Variants in MEGF9 observed in about 807,000 individuals in gnomAD.
MEGF9 encodes multiple epidermal growth factor-like domains protein 9.
A neutral mutation model predicts 46.8 loss-of-function variants in MEGF9; 6 were observed. That is an observed-to-expected ratio of 0.13 (90% CI 0.07 to 0.25). The LOEUF is 0.25. MEGF9 is among the 10% of genes least tolerant of loss of function. MEGF9 has a pLI of 1.00. For missense variants in MEGF9, 683 were observed against 792.4 expected, an observed-to-expected ratio of 0.86 and a Z score of 1.66; for synonymous variants, 302 against 330.7, an observed-to-expected ratio of 0.91 and a Z score of 0.94.
At chr9:120,712,257 CA>C (rs993078090) in intron 1 of MEGF9, among the ~76,000 whole-genome samples, 1 of 151,914 alleles carries the variant, frequency 6.6e-6, no homozygotes, top group African/African-American at 2.4e-5. Context: ...GACCCTGTCT[CA>C]AAAAACAAAA....
At chr9:120,692,792 C>G (rs77269373) in intron 1 of MEGF9, among the ~76,000 whole-genome samples, 1,622 of 152,154 alleles carry the variant, frequency 0.011, 31 homozygotes, top group African/African-American at 0.034. Flanking sequence ...CTAGAGTGTC[C>G]TTCCCCTCTT....
At chr9:120,610,100 T>G (rs1415163422) in intron 4 of MEGF9, among the ~76,000 whole-genome samples, 2 of 152,066 alleles carry the variant, frequency 1.3e-5, no homozygotes, top group Admixed American at 1.3e-4. Context: ...ATATTTCAAA[T>G]AAAGGAATTA....
chr9:120,607,783 C>G lies in MEGF9; in HGVS notation c.1315G>C (p.Glu439Gln). 6.2e-7 allele frequency: 1 copy of G among 1,613,980 alleles called. No homozygotes were observed. The highest frequency in any genetic ancestry group is 8.5e-7 in the Non-Finnish European group (1 of 1,179,862). Reference protein sequence around the residue: ...TTGFWCENCLEGYVHDLEGNC... With the variant: ...TTGFWCENCLQGYVHDLEGNC... ...CCCTCGAGGTCGTGAACATAACCTT[C>G]TAGGCAGTTCTCACACCAAAACCCA... The change falls in exon 5 of 6, where the codon GAA becomes CAA. Residue 439 changes from glutamate (E) to glutamine (Q), a missense_variant. Glu to Gln is a conservative substitution (Grantham distance 29). Around this residue, in one of 2 missense-constraint regions of MEGF9, gnomAD observed 313 missense variants for 421.1 expected, o/e 0.74. Transcript: ENST00000373930.
At chr9:120,682,819 G>A (rs981450705) in intron 1 of MEGF9, among the ~76,000 whole-genome samples, 2 of 152,154 alleles carry the variant, frequency 1.3e-5, no homozygotes, top group African/African-American at 2.4e-5. Context: ...CTGGGCCCAA[G>A]TGATGCTCCC....
At position 120,605,907 on chromosome 9, in the gene MEGF9, C is replaced by T. The variant is rs1029950468; in HGVS notation, c.1358-266G>A. On this transcript the variant is annotated intron_variant, in intron 5 of 5. Coordinates refer to ENST00000373930, the MANE Select transcript of MEGF9 (RefSeq NM_001080497.3). The surrounding 1 kb of genome is among the most constrained non-coding windows in gnomAD (Gnocchi z 4.0). ...AAAATCTTTGGGCCGGGCGTGGTGGCTCACACCTGTAATCCCAGCACTTTG... is the reference window on the plus strand; with the variant it reads ...AAAATCTTTGGGCCGGGCGTGGTGGTTCACACCTGTAATCCCAGCACTTTG... 6.6e-6 allele frequency among the ~76,000 whole-genome samples: 1 copy of T among 152,130 alleles called. No individual in the cohort carries two copies. Among genetic ancestry groups the T allele is most frequent in the African/African-American group, 2.4e-5 (1 of 41,412 alleles).
At chr9:120,654,863 G>A (rs913344140) in intron 2 of MEGF9, among the ~76,000 whole-genome samples, 8 of 151,990 alleles carry the variant, frequency 5.3e-5, no homozygotes, top group Admixed American at 3.9e-4. Flanking sequence ...GTATATTTAC[G>A]TCGTAGTTTT....
chr9:120,667,961 G>A (rs1281301266), intron 1 of MEGF9, among the ~76,000 whole-genome samples: 2 of 152,192 alleles, frequency 1.3e-5, no homozygotes, highest in African/African-American at 2.4e-5. Context: ...GGAGGCAGAG[G>A]TTGCAGTGAG....
chr9:120,713,566 C>CG (rs1162972201), intron 1 of MEGF9, among the ~76,000 whole-genome samples, 192 bp downstream of exon 1: 1 of 152,152 alleles, frequency 6.6e-6, no homozygotes, highest in East Asian at 1.9e-4. Context: ...GCACAGCCCA[C>CG]GGGGGACAAA....
chr9:120,679,119 T>C (rs11794011), intron 1 of MEGF9, among the ~76,000 whole-genome samples: 78 of 152,318 alleles, frequency 5.1e-4, no homozygotes, highest in Non-Finnish European at 9.7e-4. Flanking sequence ...GCCATCTCAT[T>C]ACTGGGTATA....
intron 2 of MEGF9, among the ~76,000 whole-genome samples, chr9:120,648,431 C>G (rs1364578208): frequency 1.3e-5 from 2 of 151,972 alleles, no homozygotes; most frequent in Non-Finnish European, 2.9e-5. Context: ...ACTTTGTCTT[C>G]AAGAAATAGT....
intron 1 of MEGF9, among the ~76,000 whole-genome samples, chr9:120,712,127 C>T (rs1328075380): frequency 2.0e-5 from 3 of 151,946 alleles, no homozygotes; most frequent in African/African-American, 4.8e-5. Flanking sequence ...GTGTGGTGAC[C>T]CACGCCTGTA....
At chr9:120,685,852 G>T (rs1004300886) in intron 1 of MEGF9, among the ~76,000 whole-genome samples, 1 of 152,150 alleles carries the variant, frequency 6.6e-6, no homozygotes, top group African/African-American at 2.4e-5. Flanking sequence ...GAAAGAAAAT[G>T]TGGCATCTAT....
Position 120,604,824 on chromosome 9 carries a change from T to C in MEGF9, c.*366A>G, listed in dbSNP as rs1471001614. 9.1e-6 allele frequency: 2 copies of C among 220,434 alleles called. No individual in the cohort carries two copies. The highest frequency in any genetic ancestry group is 1.8e-5 in the Non-Finnish European group (2 of 110,296). The allele number at this position is 220,434 out of a possible 1,614,324, so 13.7% of individuals were successfully genotyped here. On this transcript the variant is annotated 3_prime_UTR_variant, in exon 6 of 6. Transcript: ENST00000373930. ...GAATGGAGATGAAGTCTTCCAGCAG[T>C]CTTTTCCCCCTCCACATTCATCATC...
chr9:120,634,446 CTTTTTTTTTTTTTTT>C (rs1158273579), intron 2 of MEGF9, among the ~76,000 whole-genome samples: 1 of 46,908 alleles, frequency 2.1e-5, no homozygotes, highest in African/African-American at 8.2e-5. Flanking sequence ...TGTGGAATAT[CTTTTTTTTTTTTTTT>C]TTTTTTTTTT....
intron 1 of MEGF9, among the ~76,000 whole-genome samples, chr9:120,685,098 T>C (rs1022040097): frequency 2.6e-5 from 4 of 152,202 alleles, no homozygotes; most frequent in Non-Finnish European, 4.4e-5. Context: ...CCTCCCAAAG[T>C]GCTGGGATTA....
chr9:120,657,031 GGTAAAC>G (rs1217706340), intron 2 of MEGF9, among the ~76,000 whole-genome samples: 1 of 152,148 alleles, frequency 6.6e-6, no homozygotes, highest in African/African-American at 2.4e-5. Flanking sequence ...ACCAGGCGTG[GGTAAAC>G]TTTTTCCAAA....
In MEGF9 at chr9:120,697,990, C is replaced by T. The variant is rs147754698; in HGVS notation, c.601+15768G>A. 2.1e-3 allele frequency among the ~76,000 whole-genome samples: 317 copies of T among 152,254 alleles called. 2 individuals are homozygous for T. The highest frequency in any genetic ancestry group is 7.2e-3 in the African/African-American group (299 of 41,538). On this transcript the variant is annotated intron_variant, in intron 1 of 5. Transcript: ENST00000373930. ...GTTTAATCAAAGGAAAAAAGGGGCA[C>T]AGATTTGAGTCAGAGGGCTAGTTTT...
intron 1 of MEGF9, among the ~76,000 whole-genome samples, chr9:120,667,263 A>T (rs1204735869): frequency 6.6e-6 from 1 of 152,212 alleles, no homozygotes; most frequent in Non-Finnish European, 1.5e-5. Context: ...GCAGGAAGTT[A>T]TTAATGCTTC....
chr9:120,618,824 C>G (rs957991650), intron 3 of MEGF9, among the ~76,000 whole-genome samples: 4 of 150,634 alleles, frequency 2.7e-5, no homozygotes, highest in Non-Finnish European at 4.4e-5. Context: ...CGCTTGAACC[C>G]GGGAGCCAGA....
Sources: allele counts gnomAD v4.1 joint callset (sites outside exome capture counted in the v4.1 genomes callset), GRCh38; gene constraint gnomAD v4.1.1; regional missense constraint gnomAD v4.1.1; non-coding constraint Gnocchi (gnomAD v3.1); transcripts MANE v1.5; gene names NCBI Gene and HGNC (gene_info 2026-07-23, HGNC 2026-07-21).